FLRT1: variants seen among roughly 807,000 people sequenced by gnomAD.
FLRT1 encodes the protein leucine-rich repeat transmembrane protein FLRT1.
In FLRT1, 14 loss-of-function variants were observed where a neutral mutation model predicts 30.9. That is an observed-to-expected ratio of 0.45 (90% CI 0.30 to 0.71). The LOEUF is 0.71. Among genes scored for constraint, FLRT1 ranks in the 30% least tolerant of loss-of-function variants. The pLI, the probability that FLRT1 is intolerant of heterozygous loss-of-function variation, is 0.08. For missense variants in FLRT1, 737 were observed against 949.2 expected (o/e 0.78, Z 2.94); for synonymous variants, 368 against 430.4 (o/e 0.85, Z 1.80).
intron 1 of FLRT1, among the ~76,000 whole-genome samples, chr11:64,088,915 G>T (rs1398592647): frequency 6.6e-6 from 1 of 152,162 alleles, no homozygotes; most frequent in Non-Finnish European, 1.5e-5. Flanking sequence ...CATGGGCGGG[G>T]TTAGGAAACC....
rs1159320868 is a variant in FLRT1 at position 64,036,340 on chromosome 11, C to T, written c.-1038+181C>T. 6.6e-6 allele frequency among the ~76,000 whole-genome samples: 1 copy of T among 152,122 alleles called. No individual in the cohort carries two copies. The highest frequency in any genetic ancestry group is 1.9e-4 in the East Asian group (1 of 5,160). On this transcript the variant is annotated intron_variant, in intron 1 of 2. Transcript: ENST00000682287. The surrounding 1 kb of genome is among the most constrained non-coding windows in gnomAD (Gnocchi z 5.6). ...GCCTTTGGGATTTGGGGTGGGGGTC[C>T]CTGAGTCAAGAGCCAAGCACCAGTA... is the stretch of plus-strand genomic sequence containing the variant.
At chr11:64,111,267 C>G (rs1274137775) in intron 2 of FLRT1, among the ~76,000 whole-genome samples, 4 of 152,220 alleles carry the variant, frequency 2.6e-5, no homozygotes, top group Admixed American at 6.5e-5. Flanking sequence ...CCACCTGTAT[C>G]CCTTGTGCCA....
At chr11:64,060,701 C>A (rs1286969916) in intron 1 of FLRT1, 1 of 152,252 alleles carries the variant, frequency 6.6e-6, no homozygotes, top group Non-Finnish European at 1.5e-5. Context: ...TTCATTCATT[C>A]ATTCATTCAT....
chr11:64,049,378 C>G (rs1478200377), intron 1 of FLRT1, among the ~76,000 whole-genome samples: 2 of 152,230 alleles, frequency 1.3e-5, no homozygotes, highest in African/African-American at 4.8e-5. Context: ...ACGGCCAGTC[C>G]TGGGCAGGGA....
intron 1 of FLRT1, among the ~76,000 whole-genome samples, chr11:64,089,294 C>T (rs1380961246): frequency 2.0e-5 from 3 of 152,214 alleles, no homozygotes; most frequent in South Asian, 2.1e-4. Flanking sequence ...GCTGTGAGAC[C>T]GGGGTAGGGC....
At chr11:64,070,628 A>G (rs902051896) in intron 1 of FLRT1, among the ~76,000 whole-genome samples, 2 of 152,214 alleles carry the variant, frequency 1.3e-5, no homozygotes, top group Non-Finnish European at 2.9e-5. Flanking sequence ...AGAAAGCACC[A>G]TAACTAACAC....
At chr11:64,101,327 G>C (rs1944667145) in intron 1 of FLRT1, among the ~76,000 whole-genome samples, 1 of 152,178 alleles carries the variant, frequency 6.6e-6, no homozygotes, top group Non-Finnish European at 1.5e-5. Flanking sequence ...ACGCTCTCAG[G>C]ATAAAGCCGA....
chr11:64,075,508 G>C (rs1247282256), intron 1 of FLRT1, among the ~76,000 whole-genome samples: 1 of 152,262 alleles, frequency 6.6e-6, no homozygotes, highest in Non-Finnish European at 1.5e-5. Flanking sequence ...CAGGGCCCCA[G>C]CTGGGCTCAA....
chr11:64,075,258 T>C (rs1944180283), intron 1 of FLRT1, among the ~76,000 whole-genome samples: 2 of 152,230 alleles, frequency 1.3e-5, no homozygotes, highest in Admixed American at 1.3e-4. Flanking sequence ...CATGTCTAGA[T>C]AGGCTGGGAC....
At chr11:64,104,674 G>T (rs1222455740) in intron 2 of FLRT1, among the ~76,000 whole-genome samples, 1 of 152,182 alleles carries the variant, frequency 6.6e-6, no homozygotes, top group Non-Finnish European at 1.5e-5. Flanking sequence ...AGGGGACCCA[G>T]GGTGGGTTGA....
intron 1 of FLRT1, among the ~76,000 whole-genome samples, chr11:64,078,234 C>T (rs2134481767): frequency 6.6e-6 from 1 of 152,292 alleles, no homozygotes; most frequent in East Asian, 1.9e-4. Flanking sequence ...ACGTGCCCTC[C>T]AGAAGGGAGG....
chr11:64,071,541 C>A (rs913276762), intron 1 of FLRT1, among the ~76,000 whole-genome samples: 3 of 152,160 alleles, frequency 2.0e-5, no homozygotes, highest in African/African-American at 7.2e-5. Context: ...AGACCAGGGG[C>A]CCACTCTGGG....
At chr11:64,114,584 C>G (rs1228666381) in intron 2 of FLRT1, among the ~76,000 whole-genome samples, 5 of 135,858 alleles carry the variant, frequency 3.7e-5, no homozygotes, top group African/African-American at 1.2e-4. Context: ...CAGGTAGATG[C>G]ATGATGGAAG....
chr11:64,062,684 G>A (rs978057245), intron 1 of FLRT1, among the ~76,000 whole-genome samples: 9 of 152,216 alleles, frequency 5.9e-5, no homozygotes, highest in Non-Finnish European at 7.3e-5. Flanking sequence ...AGGGAAGCCA[G>A]AGTGCTGAAG....
intron 2 of FLRT1, among the ~76,000 whole-genome samples, chr11:64,112,469 G>A (rs1437393639): frequency 2.0e-5 from 3 of 152,124 alleles, no homozygotes; most frequent in Admixed American, 6.5e-5. Flanking sequence ...ACCCAAGATC[G>A]CTCCACTGCA....
intron 1 of FLRT1, among the ~76,000 whole-genome samples, chr11:64,065,897 G>A (rs1446704453): frequency 6.6e-6 from 1 of 152,176 alleles, no homozygotes; most frequent in Admixed American, 6.5e-5. Context: ...CAGAGTGGTT[G>A]GCAGGGAGAA....
chr11:64,103,388 A>G lies in FLRT1; in HGVS notation c.-843A>G, dbSNP rs1944705129. The G allele has an allele frequency of 6.6e-6, 1 of 152,200 alleles. No homozygotes were observed. Among genetic ancestry groups the G allele is most frequent in the South Asian group, 2.1e-4 (1 of 4,838 alleles). 9.4% of individuals were successfully genotyped at this position (152,200 alleles called of 1,614,324 possible). ...AGGGCATGTGGGGGCCTGACAGCTC[A>G]GCTGCATGTGTCAGCAGCTCCAGCC... is the stretch of plus-strand genomic sequence containing the variant. On this transcript the variant is annotated 5_prime_UTR_variant, in exon 2 of 3. Coordinates refer to ENST00000682287, the MANE Select transcript of FLRT1 (RefSeq NM_013280.5).
chr11:64,114,989 A>C (rs80042216), intron 2 of FLRT1, among the ~76,000 whole-genome samples: 1 of 152,346 alleles, frequency 6.6e-6, no homozygotes, highest in Non-Finnish European at 1.5e-5. Context: ...AGAGATGTTC[A>C]GTCCCTGGGG....
intron 1 of FLRT1, among the ~76,000 whole-genome samples, chr11:64,071,763 G>T (rs1944111558): frequency 6.6e-6 from 1 of 152,196 alleles, no homozygotes; most frequent in Non-Finnish European, 1.5e-5. Context: ...AGACTGGCCT[G>T]CCCCATCCTC....
Sources: allele counts gnomAD v4.1 joint callset (sites outside exome capture counted in the v4.1 genomes callset), GRCh38; gene constraint gnomAD v4.1.1; non-coding constraint Gnocchi (gnomAD v3.1); transcripts MANE v1.5; gene names NCBI Gene and HGNC (gene_info 2026-07-23, HGNC 2026-07-21).